PTPRR: variants seen among roughly 807,000 people sequenced by gnomAD.
PTPRR encodes the protein protein tyrosine phosphatase receptor type R.
PTPRR carries 38 observed loss-of-function variants against 77.2 expected under a neutral mutation model. That is an observed-to-expected ratio of 0.49 (90% confidence interval 0.38 to 0.65). The LOEUF (loss-of-function observed/expected upper bound fraction) is 0.65, where lower values mean the gene tolerates loss of function less well. Ranked by LOEUF, PTPRR falls within the 30% of genes least tolerant of loss-of-function variation. The probability of loss-of-function intolerance (pLI) is 0.00; values close to 1 mark genes in which losing one functional copy is unlikely to be tolerated. For missense variants in PTPRR, 744 were observed against 799.2 expected, an observed-to-expected ratio of 0.93 and a Z score of 0.83; for synonymous variants, 299 against 283.1, an observed-to-expected ratio of 1.06 and a Z score of -0.57.
chr12:70,790,756 C>T (rs1016332273), intron 2 of PTPRR, among the ~76,000 whole-genome samples: 1 of 152,096 alleles, frequency 6.6e-6, no homozygotes, highest in African/African-American at 2.4e-5. Flanking sequence ...GGTTAAAAAA[C>T]CAGCCATCCC....
intron 10 of PTPRR, among the ~76,000 whole-genome samples, chr12:70,671,402 A>G (rs4761230): frequency 0.1 from 15,923 of 152,224 alleles, 1,237 homozygotes; most frequent in Admixed American, 0.19. Flanking sequence ...ATTACACATA[A>G]AAGACATATA....
chr12:70,858,350 A>T (rs76076566), intron 2 of PTPRR, among the ~76,000 whole-genome samples: 1 of 152,046 alleles, frequency 6.6e-6, no homozygotes, highest in Non-Finnish European at 1.5e-5. Flanking sequence ...TAGGATGGAC[A>T]CTGACACAGG....
chr12:70,650,893 G>A (rs897820298), intron 13 of PTPRR, among the ~76,000 whole-genome samples: 12 of 152,198 alleles, frequency 7.9e-5, no homozygotes, highest in East Asian at 1.9e-4. Context: ...TCAAGGGATC[G>A]TGACCAGTGC....
chr12:70,735,403 A>T (rs1414951103), intron 6 of PTPRR, among the ~76,000 whole-genome samples: 10 of 152,124 alleles, frequency 6.6e-5, no homozygotes, highest in Admixed American at 6.5e-4. Context: ...CAGGCAAGAG[A>T]GTGTGTGCAA....
chr12:70,875,719 A>T (rs924915814), intron 2 of PTPRR, among the ~76,000 whole-genome samples: 1 of 152,106 alleles, frequency 6.6e-6, no homozygotes, highest in African/African-American at 2.4e-5. Context: ...AACAATTTTT[A>T]AAAAAAGACA....
chr12:70,904,347 C>T (rs140386315), intron 1 of PTPRR, among the ~76,000 whole-genome samples: 1 of 151,870 alleles, frequency 6.6e-6, no homozygotes, highest in East Asian at 1.9e-4. Context: ...AACTATGATA[C>T]ATCTAAACAA....
At chr12:70,904,144 G>A (rs546311061) in intron 1 of PTPRR, among the ~76,000 whole-genome samples, 1 of 151,912 alleles carries the variant, frequency 6.6e-6, no homozygotes, top group East Asian at 1.9e-4. Context: ...TCTGGAAAAT[G>A]GTTTGACAGT....
chr12:70,872,694 C>CAAAAAAAAAAA (rs377557224), intron 2 of PTPRR, among the ~76,000 whole-genome samples: 1,275 of 43,420 alleles, frequency 0.029, 117 homozygotes, highest in East Asian at 0.09. Context: ...GACTCTGTCT[C>CAAAAAAAAAAA]AAAAAAAAAA....
chr12:70,805,446 T>C (rs906768449), intron 2 of PTPRR, among the ~76,000 whole-genome samples: 2 of 152,110 alleles, frequency 1.3e-5, no homozygotes, highest in African/African-American at 4.8e-5. Context: ...CCTGGGCTCC[T>C]GGGCTTAAGC....
intron 1 of PTPRR, among the ~76,000 whole-genome samples, chr12:70,894,355 A>G (rs1592820017): frequency 6.6e-6 from 1 of 151,768 alleles, no homozygotes; most frequent in Non-Finnish European, 1.5e-5. Flanking sequence ...ATTTTCTCTT[A>G]GGTGAGAGAC....
chr12:70,829,611 C>T (rs1386410349), intron 2 of PTPRR, among the ~76,000 whole-genome samples: 1 of 152,042 alleles, frequency 6.6e-6, no homozygotes, highest in Admixed American at 6.6e-5. Context: ...TTTGAAAAAC[C>T]AAGGGATGTT....
intron 2 of PTPRR, among the ~76,000 whole-genome samples, chr12:70,884,712 C>T (rs1417091987): frequency 6.8e-6 from 1 of 147,726 alleles, no homozygotes; most frequent in African/African-American, 2.5e-5. Context: ...CTAAAAAATA[C>T]AAAAAAAAAA....
intron 7 of PTPRR, among the ~76,000 whole-genome samples, chr12:70,698,872 G>A (rs1156506921): frequency 1.3e-5 from 2 of 152,022 alleles, no homozygotes; most frequent in African/African-American, 4.8e-5. Flanking sequence ...ATTAAGAAAT[G>A]GTTTATAACT....
chr12:70,888,824 C>T (rs1000607984), intron 2 of PTPRR, among the ~76,000 whole-genome samples: 10 of 152,012 alleles, frequency 6.6e-5, no homozygotes, highest in African/African-American at 2.4e-4. Context: ...ATTGTCCCTA[C>T]TATGTAAGTA....
rs554024037 is a variant in PTPRR, at chr12:70,832,955, G to C, written c.357+59724C>G. Among the ~76,000 whole-genome samples the C allele has an allele frequency of 2.6e-5, 4 of 152,158 alleles. No homozygotes were observed. The South Asian group carries it at 8.3e-4, about 32-fold the overall frequency. ...TTTAGACAACTAACACAAGGTTCCTGTTCCCTACAAATGTGCCAGGGCAGA... is the reference window on the plus strand; with the variant it reads ...TTTAGACAACTAACACAAGGTTCCTCTTCCCTACAAATGTGCCAGGGCAGA... On this transcript the variant is annotated intron_variant, in intron 2 of 13. Transcript: ENST00000283228.
chr12:70,915,546 T>G (rs1049767859), intron 1 of PTPRR, among the ~76,000 whole-genome samples: 4 of 152,236 alleles, frequency 2.6e-5, no homozygotes, highest in African/African-American at 9.6e-5. Flanking sequence ...CATTCCTACA[T>G]GTACAAGGCA....
chr12:70,854,882 A>T (rs1892627145), intron 2 of PTPRR, among the ~76,000 whole-genome samples: 1 of 152,380 alleles, frequency 6.6e-6, no homozygotes, highest in Non-Finnish European at 1.5e-5. Context: ...TGCTTGGTAC[A>T]TAGAAGATGC....
chr12:70,657,454 A>G (rs1886627121), intron 12 of PTPRR, among the ~76,000 whole-genome samples: 1 of 152,180 alleles, frequency 6.6e-6, no homozygotes, highest in South Asian at 2.1e-4. Flanking sequence ...TGGTGGGTTT[A>G]TACATTCAAC....
At chr12:70,851,906 T>A (rs1396327670) in intron 2 of PTPRR, among the ~76,000 whole-genome samples, 2 of 152,248 alleles carry the variant, frequency 1.3e-5, no homozygotes, top group East Asian at 1.9e-4. Context: ...ATTTCATTTT[T>A]TTCAATTCTC....
Sources: gnomAD v4.1 joint callset for allele counts (sites outside exome capture counted in the v4.1 genomes callset) on GRCh38, gnomAD v4.1.1 for gene constraint, MANE v1.5 for transcripts, NCBI Gene and HGNC (gene_info 2026-07-23, HGNC 2026-07-21) for gene names.